The following SACS variants were observed in gnomAD, a reference collection of about 807,000 sequenced individuals.
SACS encodes the protein sacsin.
In SACS, 197 loss-of-function variants were observed where a neutral mutation model predicts 348.0. That is an observed-to-expected ratio of 0.57 (90% CI 0.50 to 0.64). The LOEUF is 0.64. Among genes scored for constraint, SACS ranks in the 30% least tolerant of loss-of-function variants. The pLI is 0.00. For missense variants in SACS, 4,999 were observed against 5,360.8 expected (o/e 0.93, Z 2.11); for synonymous variants, 1,985 against 1,910.6 (o/e 1.04, Z -1.02).
At position 23,335,751 on chromosome 13, in the gene SACS, T is replaced by C. The variant is rs1438048776; in HGVS notation, c.8125A>G (p.Lys2709Glu). The change falls in exon 10 of 10, where the codon AAA becomes GAA. Residue 2709 changes from lysine (K) to glutamate (E), a missense_variant. Physicochemically the swap from Lys to Glu is moderately conservative, Grantham distance 56. Around this residue, in one of 6 missense-constraint regions of SACS, gnomAD observed 3,156 missense variants for 3,380.1 expected, o/e 0.93. Coordinates refer to ENST00000382292, the MANE Select transcript of SACS (RefSeq NM_014363.6). This position sits in a 1 kb window ranked among gnomAD's most constrained non-coding sequence, Gnocchi z 4.7. ...RFPLRNAEMA[K>E]VSEISSVPAS... Reference sequence around the variant, plus strand: ...GGAACAGACGAAATTTCCGAAACTTTTGCCATTTCTGCATTACGAAGAGGA... The same window carrying C: ...GGAACAGACGAAATTTCCGAAACTTCTGCCATTTCTGCATTACGAAGAGGA... The C allele has an allele frequency of 2.5e-6, 4 of 1,614,058 alleles. No individual in the cohort carries two copies. The highest frequency in any genetic ancestry group is 1.1e-5 in the South Asian group (1 of 91,078).
rs745361567 is a variant in SACS, at chr13:23,330,367, A to C, written c.13509T>G (p.Thr4503=). The change falls in exon 10 of 10, where the codon ACT becomes ACG. Residue 4503 remains threonine (T), a synonymous_variant. Transcript: ENST00000382292. ...ATTCCTCTATTTTCTGAGCAAGTGC[A>C]GTTGGTTTTACATCTTTATCAGACT... The part of the protein sequence containing the change: ...RGKSDKDVKP[T]ALAQKIEEYS... 1.9e-6 allele frequency: 3 copies of C among 1,614,204 alleles called. No homozygotes were observed. The Admixed American group carries it at 5.0e-5, about 27-fold the overall frequency.
intron 6 of SACS, among the ~76,000 whole-genome samples, chr13:23,361,817 G>A (rs1171355426): frequency 6.6e-6 from 1 of 151,884 alleles, no homozygotes; most frequent in Non-Finnish European, 1.5e-5. Context: ...AACATCCTGA[G>A]AGAAAAATTA....
At chr13:23,395,181 T>C (rs1290848215) in intron 2 of SACS, among the ~76,000 whole-genome samples, 1 of 111,872 alleles carries the variant, frequency 8.9e-6, no homozygotes, top group Non-Finnish European at 1.8e-5. Flanking sequence ...TCCCTGTTTA[T>C]TAAATATAGA....
chr13:23,329,997 A>T lies in SACS; in HGVS notation c.*139T>A. On this transcript the variant is annotated 3_prime_UTR_variant, in exon 10 of 10. Transcript: ENST00000382292. ...TTTTCCGTTGGTATTCATGTTCATA[A>T]CAACTCCAGAATTCTCCAAGAACAA... is the stretch of plus-strand genomic sequence containing the variant. 1.3e-6 allele frequency: 1 copy of T among 793,742 alleles called. No individual in the cohort carries two copies. The highest frequency in any genetic ancestry group is 2.0e-6 in the Non-Finnish European group (1 of 492,024). 49.2% of individuals were successfully genotyped at this position (793,742 alleles called of 1,614,324 possible).
chr13:23,404,601 G>C (rs112775941), intron 2 of SACS, among the ~76,000 whole-genome samples: 13 of 152,140 alleles, frequency 8.5e-5, no homozygotes, highest in South Asian at 2.1e-4. Context: ...AGAAATAAAG[G>C]GTATTCAAAT....
At chr13:23,347,628 C>T (rs777620627) in intron 9 of SACS, among the ~76,000 whole-genome samples, 3 of 152,090 alleles carry the variant, frequency 2.0e-5, no homozygotes, top group African/African-American at 4.8e-5. Context: ...AGACATGGTC[C>T]CAGACCTGGC....
In SACS at chr13:23,339,357, CTCTTATG is replaced by C; in HGVS notation, c.4512_4518del (p.Asp1504GlufsTer5). The C allele has an allele frequency of 6.2e-7, 1 of 1,613,426 alleles. No individual in the cohort carries two copies. Among genetic ancestry groups the C allele is most frequent in the Non-Finnish European group, 8.5e-7 (1 of 1,179,780 alleles). On this transcript the variant is annotated frameshift_variant, in exon 10 of 10. Transcript: ENST00000382292. LOFTEE classifies it high-confidence loss of function. Reference sequence around the variant, plus strand: ...GCCATCCCTGGGTCTAGGAGATTCTCTCTTATGTCCATATTTCTTCTCATATCAATCA... The same window carrying C: ...GCCATCCCTGGGTCTAGGAGATTCTCTCCATATTTCTTCTCATATCAATCA...
Position 23,338,504 on chromosome 13 carries a change from G to A in SACS, c.5372C>T (p.Ala1791Val). 1 of 1,614,194 alleles carries A rather than the reference G, an allele frequency of 6.2e-7. No individual in the cohort carries two copies. The highest frequency in any genetic ancestry group is 8.5e-7 in the Non-Finnish European group (1 of 1,180,020). Residue 1791 changes from alanine (A) to valine (V), a missense_variant, in exon 10 of 10, where the codon GCT becomes GTT. Physicochemically the swap from Ala to Val is moderately conservative, Grantham distance 64 (BLOSUM62 0). This residue lies in a region of SACS where 3,156 missense variants were observed against 3,380.1 expected (regional missense o/e 0.93). Coordinates refer to ENST00000382292, the MANE Select transcript of SACS (RefSeq NM_014363.6). ...GCCAGACTTAGCCATTTCAAAGAGA[G>A]CAGCTGGGTCATCATCTGGACCTCT... Reference protein sequence around the residue: ...LFRGPDDDPAALFEMAKSGQS... With the variant: ...LFRGPDDDPAVLFEMAKSGQS...
chr13:23,344,186 G>A (rs1032401813), intron 9 of SACS, among the ~76,000 whole-genome samples: 1 of 150,200 alleles, frequency 6.7e-6, no homozygotes, highest in African/African-American at 2.4e-5. Flanking sequence ...TACAAAAAAA[G>A]GGTTAGAAAT....
intron 1 of SACS, among the ~76,000 whole-genome samples, chr13:23,415,105 C>T (rs976213008): frequency 6.6e-6 from 1 of 152,124 alleles, no homozygotes; most frequent in African/African-American, 2.4e-5. Flanking sequence ...TATCTTGGCT[C>T]ACTGCAACTT....
intron 5 of SACS, among the ~76,000 whole-genome samples, chr13:23,367,207 G>T (rs1429779150): frequency 6.6e-6 from 1 of 152,084 alleles, no homozygotes; most frequent in South Asian, 2.1e-4. Flanking sequence ...TTCCTAATAA[G>T]TCAATACAAA....
intron 9 of SACS, among the ~76,000 whole-genome samples, chr13:23,352,475 GGTAATCTTCTGT>G (rs1316176806): frequency 1.3e-5 from 2 of 152,140 alleles, no homozygotes; most frequent in African/African-American, 2.4e-5. Flanking sequence ...TTTTGGGGCT[GGTAATCTTCTGT>G]GTAATCTTCT....
chr13:23,353,795 G>C lies in SACS; in HGVS notation c.2175C>G (p.Ala725=), dbSNP rs756363296. The change falls in exon 9 of 10, where the codon GCC becomes GCG. Residue 725 remains alanine (A), a synonymous_variant. Coordinates refer to ENST00000382292, the MANE Select transcript of SACS (RefSeq NM_014363.6). ...ACTAAACTATAATACCTCGGGTTTG[G>C]GCAGCTTCCTTTAAAGCAGCCACAA... ...PHLVAALKEA[A]QTRGRPCTQL... is the part of the protein sequence containing the mutation. The C allele has an allele frequency of 1.4e-5, 22 of 1,589,156 alleles. No homozygotes were observed. The highest frequency in any genetic ancestry group is 1.7e-5 in the Non-Finnish European group (20 of 1,158,146).
rs770386299 is a variant in SACS at position 23,337,441 on chromosome 13, CAA to C, written c.6433_6434del (p.Leu2145AspfsTer2). 1 of 1,612,424 alleles carries C rather than the reference CAA, an allele frequency of 6.2e-7. No individual in the cohort carries two copies. Among genetic ancestry groups the C allele is most frequent in the Admixed American group, 1.7e-5 (1 of 59,810 alleles). On this transcript the variant is annotated frameshift_variant, in exon 10 of 10. Transcript: ENST00000382292. LOFTEE classifies it high-confidence loss of function. ...STQDYLNPIILIKLVQLGMAK... is the reference protein window; with the variant it reads ...STQDYLNPIIXIKLVQLGMAK... ...CCATACCTAACTGAACTAGTTTAAT[CAA>C]AATAATAGGATTGAGATAATCCTGA...
intron 2 of SACS, among the ~76,000 whole-genome samples, chr13:23,408,936 T>G (rs1180579527): frequency 7.7e-6 from 1 of 129,040 alleles, no homozygotes; most frequent in African/African-American, 2.6e-5. Context: ...CACTCCAGCC[T>G]GGGCGACAGA....
intron 2 of SACS, among the ~76,000 whole-genome samples, chr13:23,396,319 G>A (rs1360979143): frequency 3.3e-5 from 4 of 120,676 alleles, no homozygotes; most frequent in Non-Finnish European, 5.0e-5. Context: ...GCCAGAATCT[G>A]TCTCAAAAAA....
At chr13:23,342,975 T>C (rs1869363710) in intron 9 of SACS, among the ~76,000 whole-genome samples, 1 of 152,232 alleles carries the variant, frequency 6.6e-6, no homozygotes. Context: ...TACAACTTTT[T>C]CAAAGTACCC....
rs2137552312 is a variant in SACS at position 23,330,838 on chromosome 13, G to T, written c.13038C>A (p.Asp4346Glu). 6.2e-7 allele frequency: 1 copy of T among 1,614,058 alleles called. No homozygotes were observed. The highest frequency in any genetic ancestry group is 8.5e-7 in the Non-Finnish European group (1 of 1,179,970). Residue 4346 changes from aspartate (D) to glutamate (E), a missense_variant, in exon 10 of 10, where the codon GAC becomes GAA. Around this residue, in one of 6 missense-constraint regions of SACS, gnomAD observed 254 missense variants for 275.1 expected, o/e 0.92. Coordinates refer to ENST00000382292, the MANE Select transcript of SACS (RefSeq NM_014363.6). Reference protein sequence around the residue: ...WHPDKNPENHDIANEVFKHLQ... With the variant: ...WHPDKNPENHEIANEVFKHLQ... Reference sequence around the variant, plus strand: ...AATGTTTAAAAACTTCATTGGCAATGTCATGGTTCTCTGGATTTTTGTCAG... The same window carrying T: ...AATGTTTAAAAACTTCATTGGCAATTTCATGGTTCTCTGGATTTTTGTCAG...
At chr13:23,417,736 A>C (rs1873741289) in intron 1 of SACS, among the ~76,000 whole-genome samples, 1 of 152,196 alleles carries the variant, frequency 6.6e-6, no homozygotes, top group South Asian at 2.1e-4. Context: ...CTTTAAAAAC[A>C]AATAGAAAGC....
Sources: allele counts gnomAD v4.1 joint callset (sites outside exome capture counted in the v4.1 genomes callset), GRCh38; gene constraint gnomAD v4.1.1; regional missense constraint gnomAD v4.1.1; non-coding constraint Gnocchi (gnomAD v3.1); transcripts MANE v1.5; gene names NCBI Gene and HGNC (gene_info 2026-07-23, HGNC 2026-07-21).